The following ZFYVE26 variants were observed in gnomAD, a reference collection of about 807,000 sequenced individuals.
The protein encoded by ZFYVE26 is zinc finger FYVE domain-containing protein 26.
ZFYVE26 carries 181 observed loss-of-function variants against 276.5 expected under a neutral mutation model. That is an observed-to-expected ratio of 0.65 (90% CI 0.58 to 0.74). The LOEUF (loss-of-function observed/expected upper bound fraction) is 0.74, where lower values mean the gene tolerates loss of function less well. Among genes scored for constraint, ZFYVE26 ranks in the 30% least tolerant of loss-of-function variants. The probability of loss-of-function intolerance (pLI) is 0.00; values close to 1 mark genes in which losing one functional copy is unlikely to be tolerated. For missense variants in ZFYVE26, 2,821 were observed against 3,097.9 expected (o/e 0.91, Z 2.12); for synonymous variants, 1,129 against 1,203.1 (o/e 0.94, Z 1.27).
Position 67,778,488 on chromosome 14 carries a change from T to C in ZFYVE26, c.4675-240A>G, listed in dbSNP as rs139312065. Among the ~76,000 whole-genome samples, 474 of 152,262 alleles carry C rather than the reference T, an allele frequency of 3.1e-3. 2 individuals carry two copies. The highest frequency in any genetic ancestry group is 0.011 in the African/African-American group (461 of 41,550). ...CAACCCTGGGAAGATTCTAAGGAAGTGGGAAAGACTGAAAAGACTGTTTAA... is the reference window on the plus strand; with the variant it reads ...CAACCCTGGGAAGATTCTAAGGAAGCGGGAAAGACTGAAAAGACTGTTTAA... On this transcript the variant is annotated intron_variant, in intron 23 of 41. Coordinates refer to ENST00000347230, the MANE Select transcript of ZFYVE26 (RefSeq NM_015346.4).
chr14:67,758,992 C>A (rs1029248766), intron 35 of ZFYVE26, among the ~76,000 whole-genome samples: 2 of 151,948 alleles, frequency 1.3e-5, no homozygotes, highest in Admixed American at 1.3e-4. Flanking sequence ...CTAATCCCAG[C>A]ACTTTGGGAG....
intron 23 of ZFYVE26, among the ~76,000 whole-genome samples, chr14:67,779,749 G>A (rs995282590): frequency 5.3e-4 from 80 of 152,104 alleles, no homozygotes; most frequent in African/African-American, 1.8e-3. Context: ...TGTACCTAAC[G>A]TACACAATGT....
intron 14 of ZFYVE26, 101 bp downstream of exon 14, chr14:67,793,507 G>A (rs887988644): frequency 1.5e-6 from 2 of 1,355,148 alleles, no homozygotes; most frequent in Admixed American, 3.9e-5. Flanking sequence ...TCTGCTTGAT[G>A]TGGACCCCTG....
chr14:67,783,338 T>C lies in ZFYVE26; in HGVS notation c.3814A>G (p.Thr1272Ala). Residue 1272 changes from threonine (T) to alanine (A), a missense_variant, in exon 21 of 42, where the codon ACA (threonine) becomes GCA (alanine). By Grantham distance (58) the Thr-to-Ala change is moderately conservative. Transcript: ENST00000347230. Reference protein sequence around the residue: ...SHCLDDLPLSTPSSPRTTENP... With the variant: ...SHCLDDLPLSAPSSPRTTENP... ...TCAGTTGTCCTCGGGGAGCTCGGTGTAGAAAGTGGGAGGTCATCCAGGCAG... is the reference window on the plus strand; with the variant it reads ...TCAGTTGTCCTCGGGGAGCTCGGTGCAGAAAGTGGGAGGTCATCCAGGCAG... The C allele has an allele frequency of 6.2e-7, 1 of 1,612,876 alleles. No individual in the cohort carries two copies. Among genetic ancestry groups the C allele is most frequent in the Middle Eastern group, 1.7e-4 (1 of 6,052 alleles).
chr14:67,804,754 T>C (rs1280348926), intron 8 of ZFYVE26, among the ~76,000 whole-genome samples: 1 of 152,226 alleles, frequency 6.6e-6, no homozygotes, highest in African/African-American at 2.4e-5. Context: ...TGAATAAAAG[T>C]GTGATCCAGG....
At chr14:67,742,723 A>T (rs1221283018), downstream of ZFYVE26, among the ~76,000 whole-genome samples, 1 of 152,048 alleles carries the variant, frequency 6.6e-6, no homozygotes, top group Non-Finnish European at 1.5e-5. Flanking sequence ...AGCTTGATGC[A>T]TGGCAGGTAC....
At chr14:67,776,407 GCA>G (rs2039345075) in intron 25 of ZFYVE26, among the ~76,000 whole-genome samples, 2 of 152,198 alleles carry the variant, frequency 1.3e-5, no homozygotes, top group African/African-American at 2.4e-5. Context: ...ATTCAGCTCT[GCA>G]CATGTACCTT....
At position 67,798,003 on chromosome 14, in the gene ZFYVE26, C is replaced by A; in HGVS notation, c.2248+11G>T. 6.2e-7 allele frequency: 1 copy of A among 1,614,056 alleles called. No individual in the cohort carries two copies. Among genetic ancestry groups the A allele is most frequent in the Non-Finnish European group, 8.5e-7 (1 of 1,180,028 alleles). The stretch of plus-strand genomic sequence containing the variant: ...CACCTTCTGGTCCCACCAGTTCCAC[C>A]CTTCTCTCACCTGAACGATGGTTGC... On this transcript the variant is annotated intron_variant, in intron 11 of 41. Coordinates refer to ENST00000347230, the MANE Select transcript of ZFYVE26 (RefSeq NM_015346.4).
chr14:67,748,370 A>T lies in ZFYVE26; in HGVS notation c.*66T>A. On this transcript the variant is annotated 3_prime_UTR_variant, in exon 42 of 42. Coordinates refer to ENST00000347230, the MANE Select transcript of ZFYVE26 (RefSeq NM_015346.4). ...CCACTCCACTGGAGGAAAGAGGTGG[A>T]GGGCATCGCCATCACTGCTGTTGCC... The T allele has an allele frequency of 6.5e-7, 1 of 1,539,346 alleles. No homozygotes were observed. Among genetic ancestry groups the T allele is most frequent in the Non-Finnish European group, 8.9e-7 (1 of 1,127,278 alleles).
chr14:67,781,570 A>G (rs377498687), intron 21 of ZFYVE26, 41 bp from the exon 22 acceptor site: 74 of 1,591,492 alleles, frequency 4.6e-5, no homozygotes, highest in Non-Finnish European at 6.4e-5. Flanking sequence ...CAAGCGTGGG[A>G]CCAGAAGAGT....
chr14:67,783,148 G>A lies in ZFYVE26; in HGVS notation c.4004C>T (p.Ser1335Leu), dbSNP rs2140223243. The A allele has an allele frequency of 6.2e-7, 1 of 1,607,832 alleles. No individual in the cohort carries two copies. Among genetic ancestry groups the A allele is most frequent in the South Asian group, 1.1e-5 (1 of 90,658 alleles). Residue 1335 changes from serine to leucine, a missense_variant, in exon 21 of 42, where the codon TCA (serine) becomes TTA (leucine). Ser to Leu is a moderately radical substitution (Grantham distance 145). Transcript: ENST00000347230. ...CCTGCGGCCACGAAGTTCCTTCCAT[G>A]ACAAGCTGGGTTTGCTGACCTTTAA... is the stretch of plus-strand genomic sequence containing the variant. ...PRLKVSKPSLSWKELRGRREV... is the reference protein window; with the variant it reads ...PRLKVSKPSLLWKELRGRREV...
At chr14:67,748,770 AT>A in intron 41 of ZFYVE26, 131 bp from the exon 42 acceptor site, 2 of 879,716 alleles carry the variant, frequency 2.3e-6, no homozygotes, top group Non-Finnish European at 3.7e-6. Flanking sequence ...GGATTCATGT[AT>A]TTTATGGTAT....
At chr14:67,785,302 G>A (rs906899511) in intron 18 of ZFYVE26, 25 bp from the exon 19 acceptor site, 3 of 1,566,452 alleles carry the variant, frequency 1.9e-6, no homozygotes, top group Admixed American at 3.8e-5. Flanking sequence ...GCAGGAGAAA[G>A]GACACAGGCT....
In ZFYVE26 at chr14:67,805,216, C is replaced by T; in HGVS notation, c.1271+1G>A. 2 of 1,613,726 alleles carry T rather than the reference C, an allele frequency of 1.2e-6. No individual in the cohort carries two copies. Among genetic ancestry groups the T allele is most frequent in the Non-Finnish European group, 1.7e-6 (2 of 1,179,896 alleles). On this transcript the variant is annotated splice_donor_variant, in intron 8 of 41. Coordinates refer to ENST00000347230, the MANE Select transcript of ZFYVE26 (RefSeq NM_015346.4). LOFTEE classifies it high-confidence loss of function. Reference sequence around the variant, plus strand: ...CAGGCGCTGACTGCACAGGGCCATACCTGCTCTGCTGTATGCACCACTCCA... The same window carrying T: ...CAGGCGCTGACTGCACAGGGCCATATCTGCTCTGCTGTATGCACCACTCCA...
chr14:67,760,041 A>AC lies in ZFYVE26; in HGVS notation c.6588+1324_6588+1325insG, dbSNP rs2038892208. On this transcript the variant is annotated intron_variant, in intron 35 of 41. Coordinates refer to ENST00000347230, the MANE Select transcript of ZFYVE26 (RefSeq NM_015346.4). ...GGGTAACTATGATTACAGCAGAAAA[A>AC]AAGAAGGCTTATTTCCTAGCTCTGA... Among the ~76,000 whole-genome samples the AC allele has an allele frequency of 3.9e-5, 6 of 152,306 alleles. 1 individual carries two copies. In the South Asian group the frequency reaches 1.2e-3, roughly 32 times the overall value.
chr14:67,733,640 T>G lies in ZFYVE26; in HGVS notation n.2680-3821A>C. On this transcript the variant is annotated intron_variant and non_coding_transcript_variant, in intron 13 of 14. Transcript: ENST00000394455. ...ATAATTAGTTTCTTTGAGTCTGGCA[T>G]ATATTGTATTTTATTCATTTAGAAA... 4.0e-6 allele frequency: 3 copies of G among 744,812 alleles called. No homozygotes were observed. The South Asian group carries it at 4.4e-5, about 11-fold the overall frequency. 46.1% of individuals were successfully genotyped at this position (744,812 alleles called of 1,614,324 possible).
Position 67,761,436 on chromosome 14 carries a change from T to G in ZFYVE26, c.6518A>C (p.Asn2173Thr). Reference protein sequence around the residue: ...CLFYLHNYSTNLAIISFYVRH... With the variant: ...CLFYLHNYSTTLAIISFYVRH... ...CACGTAGAAGCTGATGATGGCCAGG[T>G]TGGTGCTATAGTTGTGCAGGTAGAA... Residue 2173 changes from asparagine (N) to threonine (T), a missense_variant, in exon 35 of 42, where the codon AAC becomes ACC. Transcript: ENST00000347230. 6.2e-7 allele frequency: 1 copy of G among 1,613,996 alleles called. No individual in the cohort carries two copies. The highest frequency in any genetic ancestry group is 8.5e-7 in the Non-Finnish European group (1 of 1,179,988).
intron 16 of ZFYVE26, among the ~76,000 whole-genome samples, chr14:67,788,411 C>G (rs1033855848): frequency 6.6e-6 from 1 of 152,060 alleles, no homozygotes; most frequent in Non-Finnish European, 1.5e-5. Flanking sequence ...CACAAACAAA[C>G]AAACAAACCT....
chr14:67,738,957 T>C (rs2038383634), intron 13 of ZFYVE26, among the ~76,000 whole-genome samples: 1 of 152,174 alleles, frequency 6.6e-6, no homozygotes, highest in African/African-American at 2.4e-5. Context: ...CATATTCAAT[T>C]GTTCTCGCCT....
Sources: allele counts gnomAD v4.1 joint callset (sites outside exome capture counted in the v4.1 genomes callset), GRCh38; gene constraint gnomAD v4.1.1; transcripts MANE v1.5; gene names NCBI Gene and HGNC (gene_info 2026-07-23, HGNC 2026-07-21).